Variants in KDM4B observed in about 807,000 individuals in gnomAD.
KDM4B encodes lysine-specific demethylase 4B.
KDM4B carries 32 observed loss-of-function variants against 125.2 expected under a neutral mutation model. The observed-to-expected ratio is 0.26, with a 90% confidence interval of 0.19 to 0.34. The LOEUF (loss-of-function observed/expected upper bound fraction) is 0.34, where lower values mean the gene tolerates loss of function less well. KDM4B is among the 10% of genes least tolerant of loss of function. The pLI is 1.00. For synonymous variants in KDM4B, 721 were observed against 677.9 expected (o/e 1.06, Z -0.99); for missense variants, 1,190 against 1,577.7 (o/e 0.75, Z 4.16).
chr19:5,119,289 C>T, intron 10 of KDM4B: 1 of 1,073,296 alleles, frequency 9.3e-7, no homozygotes, highest in South Asian at 1.4e-5. Flanking sequence ...TCGGAGCTCA[C>T]ACTCCCTGTG....
chr19:5,136,119 C>T (rs1348721268), intron 15 of KDM4B, among the ~76,000 whole-genome samples: 1 of 152,230 alleles, frequency 6.6e-6, no homozygotes, highest in Non-Finnish European at 1.5e-5. Flanking sequence ...CCTCACTGGC[C>T]CTCTGGACAG....
chr19:5,075,495 G>GAT (rs1419834588), intron 7 of KDM4B: 1 of 152,228 alleles, frequency 6.6e-6, no homozygotes, highest in Non-Finnish European at 1.5e-5. Flanking sequence ...TTTTTGTAGA[G>GAT]ATGGGGTCTT....
At chr19:5,014,164 T>A (rs967889304) in intron 1 of KDM4B, among the ~76,000 whole-genome samples, 6 of 152,264 alleles carry the variant, frequency 3.9e-5, no homozygotes, top group Admixed American at 1.3e-4. Context: ...TTTATTTTTT[T>A]GAGACAGGGT....
At chr19:5,041,889 C>T (rs976494838) in intron 5 of KDM4B, among the ~76,000 whole-genome samples, 1 of 152,232 alleles carries the variant, frequency 6.6e-6, no homozygotes, top group Non-Finnish European at 1.5e-5. Context: ...CCAGCCTTGG[C>T]TCTGCCCTGC....
At position 5,151,832 on chromosome 19, in the gene KDM4B, C is replaced by T. The variant is rs1447244108; in HGVS notation, c.*321C>T. 2 of 300,442 alleles carry T rather than the reference C, an allele frequency of 6.7e-6. No individual in the cohort carries two copies. The highest frequency in any genetic ancestry group is 1.2e-5 in the Non-Finnish European group (2 of 163,780). 18.6% of individuals were successfully genotyped at this position (300,442 alleles called of 1,614,324 possible). ...TGAGCAACCTTTGAGATTGTCACTT[C>T]TGTACATAAACCACCTTTGTGAGGC... On this transcript the variant is annotated 3_prime_UTR_variant, in exon 23 of 23. Transcript: ENST00000159111.
chr19:5,047,996 CTG>C (rs2037082876), intron 6 of KDM4B, among the ~76,000 whole-genome samples: 1 of 152,216 alleles, frequency 6.6e-6, no homozygotes, highest in Non-Finnish European at 1.5e-5. Context: ...CCAGGCTGTG[CTG>C]CCTCACAGCC....
chr19:5,029,515 C>T (rs1467756196), intron 2 of KDM4B, among the ~76,000 whole-genome samples: 1 of 152,218 alleles, frequency 6.6e-6, no homozygotes, highest in Non-Finnish European at 1.5e-5. Context: ...TGATTTACTT[C>T]CTAAGCATGT....
intron 9 of KDM4B, among the ~76,000 whole-genome samples, chr19:5,093,399 G>A (rs1163550458): frequency 6.6e-6 from 1 of 152,200 alleles, no homozygotes; most frequent in Non-Finnish European, 1.5e-5. Context: ...GGGGCAGGGA[G>A]CCGCTTTCTG....
intron 21 of KDM4B, among the ~76,000 whole-genome samples, chr19:5,145,505 C>T (rs918136707): frequency 2.6e-5 from 4 of 151,724 alleles, no homozygotes; most frequent in Admixed American, 6.6e-5. Context: ...CGCTTGAACC[C>T]GGGAGGCAGA....
intron 9 of KDM4B, among the ~76,000 whole-genome samples, chr19:5,097,216 C>T (rs142254134): frequency 2.7e-4 from 41 of 152,306 alleles, no homozygotes; most frequent in African/African-American, 6.7e-4. Flanking sequence ...TAAAGCCCCA[C>T]GTGGCGCATC....
At chr19:4,994,079 G>C (rs1273900296) in intron 1 of KDM4B, among the ~76,000 whole-genome samples, 2 of 123,462 alleles carry the variant, frequency 1.6e-5, no homozygotes, top group East Asian at 4.6e-4. Flanking sequence ...ACAGGGTTTC[G>C]ACCTCCCGGC....
Position 5,071,058 on chromosome 19 carries a change from C to G in KDM4B, c.675C>G (p.Ile225Met), listed in dbSNP as rs771876382. The G allele has an allele frequency of 6.2e-7, 1 of 1,612,942 alleles. No homozygotes were observed. The highest frequency in any genetic ancestry group is 8.5e-7 in the Non-Finnish European group (1 of 1,179,840). Residue 225 changes from isoleucine (I) to methionine (M), a missense_variant and splice_region_variant, in exon 7 of 23, where the codon ATC becomes ATG. Coordinates refer to ENST00000159111, the MANE Select transcript of KDM4B (RefSeq NM_015015.3). ...EHGKRLERLA[I>M]GFFPGSSQGC... The stretch of plus-strand genomic sequence containing the variant: ...GCAAGCGCCTGGAGCGGCTGGCCAT[C>G]GGTAGGTGCCTGCCCTGAGGGCCCC...
At chr19:5,068,152 C>T (rs1198229738) in intron 6 of KDM4B, among the ~76,000 whole-genome samples, 4 of 151,964 alleles carry the variant, frequency 2.6e-5, no homozygotes, top group South Asian at 4.2e-4. Context: ...CCAGCATGGC[C>T]CCGAGCAGGG....
chr19:5,104,863 C>T (rs1304775291), intron 9 of KDM4B, among the ~76,000 whole-genome samples: 1 of 152,226 alleles, frequency 6.6e-6, no homozygotes, highest in East Asian at 1.9e-4. Context: ...CCAAAGTTGT[C>T]ATTTCAGGGA....
At position 4,997,219 on chromosome 19, in the gene KDM4B, T is replaced by C. The variant is rs553424689; in HGVS notation, c.-108-19038T>C. 2.6e-5 allele frequency among the ~76,000 whole-genome samples: 4 copies of C among 152,320 alleles called. No homozygotes were observed. In the South Asian group the frequency reaches 8.3e-4, roughly 32 times the overall value. On this transcript the variant is annotated intron_variant, in intron 1 of 22. Coordinates refer to ENST00000159111, the MANE Select transcript of KDM4B (RefSeq NM_015015.3). This position sits in a 1 kb window ranked among gnomAD's most constrained non-coding sequence, Gnocchi z 4.2. ...GCTATTACCACCCTATTGTGTTACC[T>C]TTTTTCTCAGTTCCTCACTTATCTT...
At chr19:5,086,982 G>C (rs1157047337) in intron 9 of KDM4B, among the ~76,000 whole-genome samples, 2 of 152,240 alleles carry the variant, frequency 1.3e-5, no homozygotes, top group African/African-American at 4.8e-5. Context: ...CACAGCCTTG[G>C]ACCAGAGCCT....
intron 21 of KDM4B, among the ~76,000 whole-genome samples, chr19:5,145,925 C>G (rs981598913): frequency 1.3e-5 from 2 of 152,260 alleles, no homozygotes; most frequent in Non-Finnish European, 2.9e-5. Context: ...AAAACCCTAA[C>G]CCCTGCGATG....
intron 1 of KDM4B, among the ~76,000 whole-genome samples, chr19:4,995,032 GTGTT>G (rs952057492): frequency 1.3e-5 from 2 of 152,190 alleles, no homozygotes; most frequent in South Asian, 2.1e-4. Flanking sequence ...GGATGCTGAT[GTGTT>G]TGTTTGCCTG....
At chr19:5,123,248 G>A (rs937276453) in intron 11 of KDM4B, among the ~76,000 whole-genome samples, 1 of 152,228 alleles carries the variant, frequency 6.6e-6, no homozygotes, top group Non-Finnish European at 1.5e-5. Flanking sequence ...CCACAGATGG[G>A]GCGGCTGAAA....
Sources: allele counts gnomAD v4.1 joint callset (sites outside exome capture counted in the v4.1 genomes callset), GRCh38; gene constraint gnomAD v4.1.1; non-coding constraint Gnocchi (gnomAD v3.1); transcripts MANE v1.5; gene names NCBI Gene and HGNC (gene_info 2026-07-23, HGNC 2026-07-21).